The following HEATR4 variants were observed in gnomAD, a reference collection of about 807,000 sequenced individuals.
HEATR4 encodes the protein HEAT repeat-containing protein 4.
In HEATR4, 95 loss-of-function variants were observed where a neutral mutation model predicts 108.8. The observed-to-expected ratio is 0.87, with a 90% CI of 0.74 to 1.04. The LOEUF (loss-of-function observed/expected upper bound fraction) is 1.04. Among genes scored for constraint, HEATR4 ranks in the 50% least tolerant of loss-of-function variants. The probability of loss-of-function intolerance (pLI) is 0.00; values close to 1 mark genes in which losing one functional copy is unlikely to be tolerated. For missense variants in HEATR4, 1,152 were observed against 1,253.8 expected, an observed-to-expected ratio of 0.92 and a Z score of 1.23; for synonymous variants, 443 against 459.4, an observed-to-expected ratio of 0.96 and a Z score of 0.46.
chr14:73,524,323 A>ATATATATATATATATATATATATG (rs1888197297), intron 2 of HEATR4, among the ~76,000 whole-genome samples: 1 of 129,642 alleles, frequency 7.7e-6, no homozygotes, highest in African/African-American at 3.3e-5. Flanking sequence ...ATATATATAT[A>ATATATATATATATATATATATATG]TATATATATA....
intron 12 of HEATR4, 49 bp from the exon 13 acceptor site, chr14:73,499,189 A>T (rs748887990): frequency 6.5e-7 from 1 of 1,527,572 alleles, no homozygotes; most frequent in Non-Finnish European, 9.1e-7. Context: ...AGCAAGAATG[A>T]ACCAGAAACA....
At chr14:73,562,851 A>G (rs1175323336), upstream of HEATR4, among the ~76,000 whole-genome samples, 1 of 152,000 alleles carries the variant, frequency 6.6e-6, no homozygotes, top group African/African-American at 2.4e-5. Context: ...ATGTTTATCA[A>G]GAAAATACAT....
the HEATR4 span, among the ~76,000 whole-genome samples, chr14:73,600,518 C>T: frequency 6.6e-6 from 1 of 151,960 alleles, no homozygotes; most frequent in African/African-American, 2.4e-5. Context: ...ATGGCGTGAT[C>T]TCAGCTCACT....
chr14:73,499,957 C>A (rs375811172), intron 12 of HEATR4, among the ~76,000 whole-genome samples: 1 of 152,264 alleles, frequency 6.6e-6, no homozygotes, highest in South Asian at 2.1e-4. Flanking sequence ...ATGCCAGGCG[C>A]GGTGGCTCAC....
intron 17 of HEATR4, 47 bp from the exon 18 acceptor site, chr14:73,478,889 A>C: frequency 3.2e-4 from 461 of 1,463,006 alleles, no homozygotes; most frequent in Non-Finnish European, 4.0e-4. Flanking sequence ...AACGTGTCTC[A>C]TGTGAGCGGC....
chr14:73,572,859 T>C, the HEATR4 span, among the ~76,000 whole-genome samples: 60 of 150,090 alleles, frequency 4.0e-4, 2 homozygotes, highest in African/African-American at 1.5e-3. Context: ...TTGGCCAGGC[T>C]GGTCTCGAAC....
Position 73,492,862 on chromosome 14 carries a change from T to A in HEATR4, c.2844+204A>T. The A allele has an allele frequency of 6.2e-7, 1 of 1,613,926 alleles. No homozygotes were observed. On this transcript the variant is annotated intron_variant, in intron 17 of 17. Transcript: ENST00000553558. The surrounding 1 kb of genome is among the most constrained non-coding windows in gnomAD (Gnocchi z 4.9). ...GAGTGGGGGACCTGCCCTGTGACAGTGTGGAGGACCAGCTGTCCTTGGCAA... is the reference window on the plus strand; with the variant it reads ...GAGTGGGGGACCTGCCCTGTGACAGAGTGGAGGACCAGCTGTCCTTGGCAA...
chr14:73,504,694 C>T (rs1481276451), intron 10 of HEATR4, among the ~76,000 whole-genome samples: 1 of 152,142 alleles, frequency 6.6e-6, no homozygotes, highest in African/African-American at 2.4e-5. Flanking sequence ...TTTTGTGCTT[C>T]CCATATCAAA....
chr14:73,567,808 C>T, the HEATR4 span: 1 of 152,042 alleles, frequency 6.6e-6, no homozygotes, highest in South Asian at 2.1e-4. Flanking sequence ...CAACTCTGGA[C>T]CTGCTGCCTT....
At chr14:73,556,293 C>A (rs1420547775) in intron 1 of HEATR4, among the ~76,000 whole-genome samples, 1 of 110,752 alleles carries the variant, frequency 9.0e-6, no homozygotes, top group African/African-American at 2.9e-5. Flanking sequence ...GGCATGGTGG[C>A]AGGCACCCGT....
intron 17 of HEATR4, chr14:73,490,926 C>T (rs555434324): frequency 3.2e-6 from 4 of 1,254,614 alleles, no homozygotes; most frequent in Non-Finnish European, 4.0e-6. Flanking sequence ...GGCCGCGCCC[C>T]CTTCCCAGAG....
At chr14:73,491,245 G>C in intron 17 of HEATR4, 1 of 1,586,386 alleles carries the variant, frequency 6.3e-7, no homozygotes, top group Non-Finnish European at 8.6e-7. Flanking sequence ...ACGACCTGGG[G>C]GACGCGCTAC....
At chr14:73,629,769 C>T in the HEATR4 span, among the ~76,000 whole-genome samples, 6 of 151,874 alleles carry the variant, frequency 4.0e-5, no homozygotes, top group African/African-American at 7.3e-5. Context: ...CTCAGCCTCC[C>T]AAGTAGCTGG....
chr14:73,586,130 A>C, the HEATR4 span, among the ~76,000 whole-genome samples: 1 of 152,000 alleles, frequency 6.6e-6, no homozygotes, highest in African/African-American at 2.4e-5. Context: ...ACAGTGGCTC[A>C]GGCCTGTAAT....
In HEATR4 at chr14:73,499,060, T is replaced by C; in HGVS notation, c.2356+11A>G. The C allele has an allele frequency of 6.2e-7, 1 of 1,612,582 alleles. No homozygotes were observed. The highest frequency in any genetic ancestry group is 8.5e-7 in the Non-Finnish European group (1 of 1,178,574). On this transcript the variant is annotated intron_variant, in intron 13 of 17. Coordinates refer to ENST00000553558, the MANE Select transcript of HEATR4 (RefSeq NM_001220484.1). ...AAGGTTGAAGAGTTTGGGGCACTAC[T>C]TCTATAATACCTCGAATGGCAAAGG...
chr14:73,549,001 A>T (rs1170535324), intron 1 of HEATR4, among the ~76,000 whole-genome samples: 2 of 110,334 alleles, frequency 1.8e-5, no homozygotes, highest in African/African-American at 2.9e-5. Flanking sequence ...GTTCAACTGC[A>T]GTAACAAAAT....
the HEATR4 span, chr14:73,595,768 G>A: frequency 1.6e-6 from 2 of 1,283,216 alleles, no homozygotes; most frequent in Non-Finnish European, 2.1e-6. Flanking sequence ...TGTCATTAAT[G>A]GTGTATTTTA....
At chr14:73,502,832 GC>G in intron 11 of HEATR4, 62 bp downstream of exon 11, 1 of 1,314,644 alleles carries the variant, frequency 7.6e-7, no homozygotes. Context: ...ACCTTGCCCA[GC>G]CTGCCTCCTA....
chr14:73,569,337 C>T, the HEATR4 span: 1 of 1,613,990 alleles, frequency 6.2e-7, no homozygotes, highest in Admixed American at 1.7e-5. Context: ...AGCGTCCCGG[C>T]TGTACCAATG....
Sources: allele counts gnomAD v4.1 joint callset (sites outside exome capture counted in the v4.1 genomes callset), GRCh38; gene constraint gnomAD v4.1.1; non-coding constraint Gnocchi (gnomAD v3.1); transcripts MANE v1.5; gene names NCBI Gene and HGNC (gene_info 2026-07-23, HGNC 2026-07-21).